The following PARVG variants were observed in gnomAD, a reference collection of about 807,000 sequenced individuals.
The protein encoded by PARVG is gamma-parvin.
In PARVG, 36 loss-of-function variants were observed where a neutral mutation model predicts 44.4. The observed-to-expected ratio is 0.81, with a 90% confidence interval of 0.62 to 1.07. The LOEUF (loss-of-function observed/expected upper bound fraction) is 1.07, where lower values mean the gene tolerates loss of function less well. PARVG is among the 50% of genes least tolerant of loss of function. The probability of loss-of-function intolerance (pLI) is 0.00; values close to 1 mark genes in which losing one functional copy is unlikely to be tolerated. For missense variants in PARVG, 407 were observed against 407.4 expected, an observed-to-expected ratio of 1.00 and a Z score of 0.01; for synonymous variants, 170 against 174.1, an observed-to-expected ratio of 0.98 and a Z score of 0.19.
intron 8 of PARVG, among the ~76,000 whole-genome samples, chr22:44,192,460 A>G (rs577349495): frequency 1.6e-4 from 24 of 152,304 alleles, no homozygotes; most frequent in African/African-American, 5.5e-4. Flanking sequence ...CTGCATGGCC[A>G]GGGGCTGGCC....
chr22:44,190,855 G>A (rs1012619129), intron 7 of PARVG, among the ~76,000 whole-genome samples, 189 bp downstream of exon 7: 1 of 152,204 alleles, frequency 6.6e-6, no homozygotes, highest in Admixed American at 6.5e-5. Flanking sequence ...GGCTGGTAAG[G>A]GTCTAGTGGG....
chr22:44,206,342 C>A lies in PARVG; in HGVS notation c.912C>A (p.Ser304Arg), dbSNP rs144332959. The change falls in exon 14 of 14, where the codon AGC becomes AGA. Residue 304 changes from serine (S) to arginine (R), a missense_variant. Coordinates refer to ENST00000444313, the MANE Select transcript of PARVG (RefSeq NM_022141.7). ...ATATCGTGAACAAGGATGCCAAGAG[C>A]ACACTGAGGGTGCTCTATGGTCTGT... ...PEDIVNKDAK[S>R]TLRVLYGLFC... 1.4e-5 allele frequency: 22 copies of A among 1,613,856 alleles called. No individual in the cohort carries two copies. The Admixed American group carries it at 2.2e-4, about 16-fold the overall frequency.
Position 44,205,899 on chromosome 22 carries a change from A to T in PARVG, c.886+70A>T, listed in dbSNP as rs1021238174. On this transcript the variant is annotated intron_variant, in intron 13 of 13. Coordinates refer to ENST00000444313, the MANE Select transcript of PARVG (RefSeq NM_022141.7). ...CAGCCTTGTGCGAGAGCCACAGAAC[A>T]GGGTGCAGGGCATTGGGGGATGAGC... 6 of 1,539,582 alleles carry T rather than the reference A, an allele frequency of 3.9e-6. No homozygotes were observed. The African/African-American group carries it at 6.8e-5, about 18-fold the overall frequency.
chr22:44,203,875 G>A (rs911832713), intron 12 of PARVG, among the ~76,000 whole-genome samples: 10 of 152,142 alleles, frequency 6.6e-5, no homozygotes, highest in African/African-American at 1.2e-4. Flanking sequence ...CCTTTGTTTC[G>A]CTCTTGTCAC....
rs564776059 is a variant in PARVG at position 44,182,793 on chromosome 22, T to C, written c.-12-525T>C. Among the ~76,000 whole-genome samples the C allele has an allele frequency of 9.9e-4, 151 of 152,250 alleles. No individual in the cohort carries two copies. Among genetic ancestry groups the C allele is most frequent in the Non-Finnish European group, 1.5e-3 (101 of 67,998 alleles). On this transcript the variant is annotated intron_variant, in intron 2 of 13. Coordinates refer to ENST00000444313, the MANE Select transcript of PARVG (RefSeq NM_022141.7). The surrounding 1 kb of genome is among the most constrained non-coding windows in gnomAD (Gnocchi z 4.6). ...GGTGAGCCCAGCCTTCTGCCTGTAATGAGGAGGAGGAAGATGAACAGTGCC... is the reference window on the plus strand; with the variant it reads ...GGTGAGCCCAGCCTTCTGCCTGTAACGAGGAGGAGGAAGATGAACAGTGCC...
rs985327607 is a variant in PARVG at position 44,206,945 on chromosome 22, A to G, written c.*519A>G. Reference sequence around the variant, plus strand: ...TGGCTCCATAGCCATGCCCCCACCCACCGGGAGAAGTGGATTCAGTGACTG... The same window carrying G: ...TGGCTCCATAGCCATGCCCCCACCCGCCGGGAGAAGTGGATTCAGTGACTG... On this transcript the variant is annotated 3_prime_UTR_variant, in exon 14 of 14. Coordinates refer to ENST00000444313, the MANE Select transcript of PARVG (RefSeq NM_022141.7). 6.3e-6 allele frequency: 1 copy of G among 158,418 alleles called. No individual in the cohort carries two copies. Among genetic ancestry groups the G allele is most frequent in the South Asian group, 1.8e-4 (1 of 5,416 alleles). The allele number at this position is 158,418 out of a possible 1,614,324, so 9.8% of individuals were successfully genotyped here.
At chr22:44,177,298 G>C (rs561414543), upstream of PARVG, among the ~76,000 whole-genome samples, 1 of 152,144 alleles carries the variant, frequency 6.6e-6, no homozygotes, top group African/African-American at 2.4e-5. Flanking sequence ...AAATACATCA[G>C]TGTAGCTTCC....
intron 12 of PARVG, among the ~76,000 whole-genome samples, chr22:44,204,840 C>T (rs2054758283): frequency 6.6e-6 from 1 of 152,212 alleles, no homozygotes; most frequent in Non-Finnish European, 1.5e-5. Flanking sequence ...TCTTCACCCA[C>T]ACCAGGCTGC....
At position 44,189,260 on chromosome 22, in the gene PARVG, T is replaced by G. The variant is rs756593682; in HGVS notation, c.388+6T>G. ...GGCCAAGTGGAGCGTGGAGAGTACG[T>G]GGGCCACAACCTGGCTACCCCTGGG... On this transcript the variant is annotated splice_donor_region_variant and intron_variant, in intron 6 of 13. Coordinates refer to ENST00000444313, the MANE Select transcript of PARVG (RefSeq NM_022141.7). 3 of 1,613,742 alleles carry G rather than the reference T, an allele frequency of 1.9e-6. No homozygotes were observed. Among genetic ancestry groups the G allele is most frequent in the Non-Finnish European group, 2.5e-6 (3 of 1,179,832 alleles).
Position 44,206,545 on chromosome 22 carries a change from A to C in PARVG, c.*119A>C, listed in dbSNP as rs1601752983. 1.2e-6 allele frequency: 1 copy of C among 827,942 alleles called. No individual in the cohort carries two copies. Among genetic ancestry groups the C allele is most frequent in the Non-Finnish European group, 2.0e-6 (1 of 496,988 alleles). 51.3% of individuals were successfully genotyped at this position (827,942 alleles called of 1,614,324 possible). On this transcript the variant is annotated 3_prime_UTR_variant, in exon 14 of 14. Transcript: ENST00000444313. ...TGCATTCGTGACCCGCTTCCCTCCC[A>C]CCCTGTCTCCTGTCTCCATCGTTGG...
chr22:44,193,867 C>T (rs766291231), intron 9 of PARVG, 44 bp downstream of exon 9: 10 of 1,607,280 alleles, frequency 6.2e-6, no homozygotes, highest in South Asian at 1.1e-5. Flanking sequence ...CTATCTGATG[C>T]GTGTTAATGC....
At position 44,195,509 on chromosome 22, in the gene PARVG, C is replaced by T. The variant is rs2054606062; in HGVS notation, c.584-646C>T. On this transcript the variant is annotated intron_variant, in intron 9 of 13. Transcript: ENST00000444313. ...AGGAATCCAGCTAGTGCACAAAGGGCATTAGCCTGAGGACATGGGCACCCG... is the reference window on the plus strand; with the variant it reads ...AGGAATCCAGCTAGTGCACAAAGGGTATTAGCCTGAGGACATGGGCACCCG... Among the ~76,000 whole-genome samples the T allele has an allele frequency of 2.0e-5, 3 of 152,174 alleles. No individual in the cohort carries two copies. In the South Asian group the frequency reaches 6.2e-4, roughly 32 times the overall value.
chr22:44,193,180 A>T (rs1190471630), intron 8 of PARVG, among the ~76,000 whole-genome samples: 1 of 152,148 alleles, frequency 6.6e-6, no homozygotes, highest in Non-Finnish European at 1.5e-5. Flanking sequence ...GACCTACAGA[A>T]CTTCTCTTCT....
chr22:44,190,941 T>C (rs1179652863), intron 7 of PARVG, among the ~76,000 whole-genome samples: 1 of 152,188 alleles, frequency 6.6e-6, no homozygotes, highest in African/African-American at 2.4e-5. Flanking sequence ...GGCATCTGGC[T>C]GGCAGAGGCT....
intron 12 of PARVG, among the ~76,000 whole-genome samples, chr22:44,202,796 G>A (rs866352654): frequency 1.3e-5 from 2 of 152,216 alleles, no homozygotes; most frequent in South Asian, 2.1e-4. Flanking sequence ...TTTGCTGATG[G>A]TGTTTATGTG....
intron 6 of PARVG, among the ~76,000 whole-genome samples, chr22:44,190,030 C>A (rs565123093): frequency 6.6e-6 from 1 of 152,312 alleles, no homozygotes; most frequent in South Asian, 2.1e-4. Context: ...CCCCCCACCC[C>A]ACCCAGATGA....
intron 4 of PARVG, chr22:44,186,878 G>T (rs1224407329): frequency 2.9e-6 from 1 of 346,530 alleles, no homozygotes; most frequent in African/African-American, 2.1e-5. Context: ...ATGGAGCTGG[G>T]GTATTTATAC....
At position 44,206,712 on chromosome 22, in the gene PARVG, A is replaced by AT. The variant is rs1319279278; in HGVS notation, c.*287dup. On this transcript the variant is annotated 3_prime_UTR_variant, in exon 14 of 14. Transcript: ENST00000444313. ...CCCTTAAACCTGCAGCCTCCCTCCC[A>AT]TGGGGTGAGTGTGTGTCACATCAGT... 1 of 418,384 alleles carries AT rather than the reference A, an allele frequency of 2.4e-6. No homozygotes were observed. The highest frequency in any genetic ancestry group is 2.0e-5 in the African/African-American group (1 of 48,866). The allele number at this position is 418,384 out of a possible 1,614,324, so 25.9% of individuals were successfully genotyped here. A position where few individuals can be genotyped will look rare whatever the true frequency, so the allele number is the denominator to read the frequency against.
At chr22:44,199,934 TG>T (rs1569187051) in intron 12 of PARVG, among the ~76,000 whole-genome samples, 2 of 152,182 alleles carry the variant, frequency 1.3e-5, no homozygotes, top group African/African-American at 4.8e-5. Flanking sequence ...GGGAGCTGGC[TG>T]CCTGCTTCCA....
Sources: gnomAD v4.1 joint callset for allele counts (sites outside exome capture counted in the v4.1 genomes callset) on GRCh38, gnomAD v4.1.1 for gene constraint, Gnocchi (gnomAD v3.1) non-coding constraint, MANE v1.5 for transcripts, NCBI Gene and HGNC (gene_info 2026-07-23, HGNC 2026-07-21) for gene names.